Variants in SPTLC1 observed in about 807,000 individuals in gnomAD.
SPTLC1 encodes serine palmitoyltransferase 1.
A neutral mutation model predicts 68.9 loss-of-function variants in SPTLC1; 55 were observed. The ratio of observed to expected loss-of-function variants is 0.80; its 90% CI spans 0.64 to 1.00. SPTLC1 has a LOEUF of 1.00. Among genes scored for constraint, SPTLC1 ranks in the 50% least tolerant of loss-of-function variants. SPTLC1 has a pLI of 0.00. For missense variants in SPTLC1, 449 were observed against 573.1 expected, an observed-to-expected ratio of 0.78 and a Z score of 2.21; for synonymous variants, 197 against 201.6, an observed-to-expected ratio of 0.98 and a Z score of 0.19.
Position 92,034,786 on chromosome 9 carries a change from G to A in SPTLC1, c.1328+24C>T. ...AGCTCAGAGTAGGGGAAAAAAATAA[G>A]GTCATATTTTAACGTCAACTGACCT... On this transcript the variant is annotated intron_variant, in intron 14 of 14. Coordinates refer to ENST00000262554, the MANE Select transcript of SPTLC1 (RefSeq NM_006415.4). The A allele has an allele frequency of 1.9e-6, 3 of 1,601,508 alleles. No individual in the cohort carries two copies. In the South Asian group the frequency reaches 3.3e-5, roughly 18 times the overall value.
chr9:92,046,303 T>C (rs1015644467), intron 11 of SPTLC1: 1 of 544,702 alleles, frequency 1.8e-6, no homozygotes, highest in Non-Finnish European at 3.3e-6. Flanking sequence ...GAACAATCAA[T>C]GCCTCTTGTT....
At position 92,079,232 on chromosome 9, in the gene SPTLC1, C is replaced by T. The variant is rs145678721; in HGVS notation, c.427+784G>A. The T allele has an allele frequency of 1.2e-3, 561 of 466,236 alleles. 4 individuals carry two copies. The highest frequency in any genetic ancestry group is 9.2e-3 in the South Asian group (320 of 34,758). The allele number at this position is 466,236 out of a possible 1,614,324, so 28.9% of individuals were successfully genotyped here. On this transcript the variant is annotated intron_variant, in intron 5 of 14. Coordinates refer to ENST00000262554, the MANE Select transcript of SPTLC1 (RefSeq NM_006415.4). ...CTGGGATTACAGGTATCCACCACCA[C>T]GCCCAGCTAATTTTTGTATTTTTAG... is the stretch of plus-strand genomic sequence containing the variant.
chr9:92,069,072 G>A (rs1156514546), intron 5 of SPTLC1, among the ~76,000 whole-genome samples: 1 of 152,162 alleles, frequency 6.6e-6, no homozygotes, highest in Non-Finnish European at 1.5e-5. Flanking sequence ...TGGGAGAAAG[G>A]AGGGAAATCA....
intron 7 of SPTLC1, among the ~76,000 whole-genome samples, chr9:92,058,179 G>T (rs1480648784): frequency 6.6e-6 from 1 of 152,224 alleles, no homozygotes; most frequent in African/African-American, 2.4e-5. Flanking sequence ...GCCTAGAGCA[G>T]AGTTAGTATA....
At chr9:92,045,496 A>T (rs111526383) in intron 12 of SPTLC1, among the ~76,000 whole-genome samples, 1,535 of 126,912 alleles carry the variant, frequency 0.012, 41 homozygotes, top group African/African-American at 0.048. Context: ...AAAGTATAAT[A>T]AAAAAAAAAA....
chr9:92,112,635 C>A, intron 1 of SPTLC1, 73 bp from the exon 2 acceptor site: 1 of 883,396 alleles, frequency 1.1e-6, no homozygotes. Context: ...TTTACTACAC[C>A]TGCATATACT....
At chr9:92,070,438 T>C (rs1380830957) in intron 5 of SPTLC1, 1 of 152,276 alleles carries the variant, frequency 6.6e-6, no homozygotes, top group African/African-American at 2.4e-5. Flanking sequence ...TAAAGTACTA[T>C]ATTCTACAAT....
intron 2 of SPTLC1, chr9:92,110,623 C>T (rs1407625819): frequency 6.6e-6 from 1 of 152,176 alleles, no homozygotes; most frequent in Middle Eastern, 3.2e-3. Flanking sequence ...CATAGCACTG[C>T]TGGGAGTACT....
intron 6 of SPTLC1, among the ~76,000 whole-genome samples, chr9:92,065,146 A>T (rs1834237593): frequency 6.6e-6 from 1 of 152,236 alleles, no homozygotes; most frequent in African/African-American, 2.4e-5. Context: ...TTGAATCTAC[A>T]ATTATCTGAA....
At chr9:92,035,313 A>T (rs576587226) in intron 13 of SPTLC1, among the ~76,000 whole-genome samples, 42 of 152,350 alleles carry the variant, frequency 2.8e-4, no homozygotes, top group African/African-American at 1.0e-3. Context: ...CACCAGTAGA[A>T]CTGCGTCAGA....
intron 4 of SPTLC1, among the ~76,000 whole-genome samples, chr9:92,080,627 C>G (rs1369421800): frequency 1.3e-5 from 2 of 152,170 alleles, no homozygotes; most frequent in African/African-American, 4.8e-5. Flanking sequence ...CAACCTCCAC[C>G]TCCTGGGCCC....
intron 7 of SPTLC1, among the ~76,000 whole-genome samples, chr9:92,057,691 C>T (rs1429599268): frequency 1.3e-5 from 2 of 152,068 alleles, no homozygotes; most frequent in Non-Finnish European, 2.9e-5. Flanking sequence ...TGAACCATGG[C>T]GCTTGGAAAA....
chr9:92,107,394 A>C (rs958707874), intron 3 of SPTLC1, among the ~76,000 whole-genome samples: 20 of 152,334 alleles, frequency 1.3e-4, no homozygotes, highest in Admixed American at 3.3e-4. Flanking sequence ...ATGGAAAACA[A>C]TCAAATTAGA....
At chr9:92,087,532 T>C (rs1410796938) in intron 3 of SPTLC1, among the ~76,000 whole-genome samples, 1 of 152,220 alleles carries the variant, frequency 6.6e-6, no homozygotes, top group Non-Finnish European at 1.5e-5. Context: ...TGCCTGGCTA[T>C]CAGCAGCAGT....
chr9:92,080,727 A>G, intron 4 of SPTLC1, 143 bp downstream of exon 4: 1 of 703,668 alleles, frequency 1.4e-6, no homozygotes, highest in Non-Finnish European at 2.6e-6. Flanking sequence ...TTTGGTAGAG[A>G]TGGGGTTTCA....
chr9:92,055,640 T>C, intron 7 of SPTLC1, 146 bp from the exon 8 acceptor site: 1 of 821,064 alleles, frequency 1.2e-6, no homozygotes, highest in Non-Finnish European at 2.0e-6. Flanking sequence ...TGTGATGGGT[T>C]ATTTTGAGAT....
chr9:92,068,858 C>A (rs765108691), intron 5 of SPTLC1, among the ~76,000 whole-genome samples: 1 of 152,130 alleles, frequency 6.6e-6, no homozygotes, highest in Non-Finnish European at 1.5e-5. Context: ...AATAAATAGG[C>A]CACTGGCCAG....
At chr9:92,115,197 G>C (rs1319794035) in intron 1 of SPTLC1, 117 bp downstream of exon 1, 2 of 824,814 alleles carry the variant, frequency 2.4e-6, no homozygotes, top group Non-Finnish European at 3.8e-6. Flanking sequence ...AAGAGGCACC[G>C]AGTCTGGGCG....
At position 92,032,499 on chromosome 9, in the gene SPTLC1, G is replaced by A. The variant is rs1276615784; in HGVS notation, c.1388C>T (p.Thr463Ile). 5 of 1,614,098 alleles carry A rather than the reference G, an allele frequency of 3.1e-6. No individual in the cohort carries two copies. Among genetic ancestry groups the A allele is most frequent in the Non-Finnish European group, 4.2e-6 (5 of 1,180,046 alleles). Residue 463 changes from threonine (T) to isoleucine (I), a missense_variant, in exon 15 of 15, where the codon ACC becomes ATC. Thr to Ile is a moderately conservative substitution (Grantham distance 89). Transcript: ENST00000262554. Reference sequence around the variant, plus strand: ...GACGGCCTGGGCTACCTCCTTGATGGTGGACGCAGCTCTCTCCAGTTCTTC... The same window carrying A: ...GACGGCCTGGGCTACCTCCTTGATGATGGACGCAGCTCTCTCCAGTTCTTC... ...TEEELERAASTIKEVAQAVLL is the reference protein window; with the variant it reads ...TEEELERAASIIKEVAQAVLL
Sources: gnomAD v4.1 joint callset for allele counts (sites outside exome capture counted in the v4.1 genomes callset) on GRCh38, gnomAD v4.1.1 for gene constraint, MANE v1.5 for transcripts, NCBI Gene and HGNC (gene_info 2026-07-23, HGNC 2026-07-21) for gene names.